Variants in STARD13 observed in about 807,000 individuals in gnomAD.
STARD13 encodes the protein stAR-related lipid transfer protein 13.
In STARD13, 62 loss-of-function variants were observed where a neutral mutation model predicts 106.4. The ratio of observed to expected loss-of-function variants is 0.58; its 90% CI spans 0.48 to 0.72. STARD13 has a LOEUF of 0.72. Among genes scored for constraint, STARD13 ranks in the 30% least tolerant of loss-of-function variants. The pLI, the probability that STARD13 is intolerant of heterozygous loss-of-function variation, is 0.00. For synonymous variants in STARD13, 565 were observed against 553.0 expected (o/e 1.02, Z -0.31); for missense variants, 1,387 against 1,424.0 (o/e 0.97, Z 0.42).
intron 1 of STARD13, among the ~76,000 whole-genome samples, chr13:33,267,180 G>A (rs545570032): frequency 5.9e-5 from 9 of 152,270 alleles, no homozygotes; most frequent in African/African-American, 2.2e-4. Flanking sequence ...TCACAAAAGG[G>A]AGAGGGTTCC....
the STARD13 span, among the ~76,000 whole-genome samples, chr13:33,656,578 T>C: frequency 1.3e-5 from 2 of 152,186 alleles, no homozygotes; most frequent in African/African-American, 4.8e-5. Flanking sequence ...GCAGCTTTAG[T>C]AGGGACATGG....
chr13:33,316,621 T>C (rs895197507), intron 1 of STARD13, among the ~76,000 whole-genome samples: 1 of 152,206 alleles, frequency 6.6e-6, no homozygotes, highest in Non-Finnish European at 1.5e-5. Context: ...TAGGTGATAT[T>C]GCTAGGAGCT....
chr13:33,269,330 G>A (rs1210469038), intron 1 of STARD13, among the ~76,000 whole-genome samples: 2 of 152,174 alleles, frequency 1.3e-5, no homozygotes, highest in African/African-American at 4.8e-5. Flanking sequence ...TGTGTTTCCG[G>A]CAACTTTCAC....
chr13:33,510,183 T>C, the STARD13 span, among the ~76,000 whole-genome samples: 1 of 152,182 alleles, frequency 6.6e-6, no homozygotes, highest in South Asian at 2.1e-4. Context: ...CAAGCCACGA[T>C]GAGCTACATT....
At chr13:33,343,575 C>CT (rs1395197056) in intron 1 of STARD13, among the ~76,000 whole-genome samples, 12 of 4,630 alleles carry the variant, frequency 2.6e-3, no homozygotes, top group Admixed American at 0.016. Flanking sequence ...GAGACCCTGT[C>CT]TTAAAAAAAA....
chr13:33,165,508 T>A, intron 2 of STARD13, 90 bp from the exon 3 acceptor site: 2 of 947,226 alleles, frequency 2.1e-6, no homozygotes, highest in South Asian at 1.4e-5. Context: ...TAAAAGCCAC[T>A]GATTTTAATA....
chr13:33,158,348 A>G (rs931947869), intron 3 of STARD13, among the ~76,000 whole-genome samples: 6 of 152,250 alleles, frequency 3.9e-5, no homozygotes, highest in Admixed American at 6.5e-5. Flanking sequence ...TCAAGAGTAA[A>G]TTGGGACCTA....
chr13:33,431,600 T>C, the STARD13 span, among the ~76,000 whole-genome samples: 148 of 152,272 alleles, frequency 9.7e-4, no homozygotes, highest in African/African-American at 3.2e-3. Context: ...CAATACCCAA[T>C]ACTAGAGTGT....
At chr13:33,468,318 T>C in the STARD13 span, among the ~76,000 whole-genome samples, 2 of 152,218 alleles carry the variant, frequency 1.3e-5, no homozygotes, top group Non-Finnish European at 2.9e-5. Context: ...CTTTTACTGC[T>C]CCCTTCATCC....
the STARD13 span, among the ~76,000 whole-genome samples, chr13:33,364,843 G>T: frequency 1.3e-5 from 2 of 152,100 alleles, no homozygotes; most frequent in Admixed American, 6.5e-5. Context: ...GAGCCGAGAT[G>T]GCGCCACTGC....
chr13:33,407,545 T>TA, the STARD13 span, among the ~76,000 whole-genome samples: 1 of 152,228 alleles, frequency 6.6e-6, no homozygotes, highest in East Asian at 1.9e-4. Flanking sequence ...ATCATAATTG[T>TA]AAAAAATACT....
the STARD13 span, among the ~76,000 whole-genome samples, chr13:33,361,097 G>A: frequency 2.0e-5 from 3 of 150,214 alleles, no homozygotes; most frequent in African/African-American, 7.4e-5. Context: ...GAACCACCGC[G>A]CCTGGCCTGG....
At chr13:33,602,718 C>T in the STARD13 span, among the ~76,000 whole-genome samples, 3 of 152,190 alleles carry the variant, frequency 2.0e-5, no homozygotes, top group Non-Finnish European at 4.4e-5. Flanking sequence ...AGCATTACTG[C>T]CTGAGCTCCA....
At chr13:33,511,005 T>C in the STARD13 span, among the ~76,000 whole-genome samples, 1 of 152,122 alleles carries the variant, frequency 6.6e-6, no homozygotes, top group Non-Finnish European at 1.5e-5. Flanking sequence ...TAAATTTTTT[T>C]TTTCTGTTTA....
the STARD13 span, among the ~76,000 whole-genome samples, chr13:33,409,683 A>G: frequency 6.6e-6 from 1 of 152,164 alleles, no homozygotes; most frequent in Non-Finnish European, 1.5e-5. Flanking sequence ...CACCTTGGAT[A>G]TTATGTTCAG....
At chr13:33,481,701 A>T in the STARD13 span, among the ~76,000 whole-genome samples, 1 of 152,218 alleles carries the variant, frequency 6.6e-6, no homozygotes, top group East Asian at 1.9e-4. Flanking sequence ...TTAGAGCCAT[A>T]TAACTAATTT....
chr13:33,535,905 ACT>A, the STARD13 span, among the ~76,000 whole-genome samples: 1 of 152,176 alleles, frequency 6.6e-6, no homozygotes, highest in Non-Finnish European at 1.5e-5. Flanking sequence ...GAAAATCTAT[ACT>A]TAAATTATTG....
the STARD13 span, among the ~76,000 whole-genome samples, chr13:33,602,595 G>A: frequency 6.6e-6 from 1 of 152,196 alleles, no homozygotes; most frequent in African/African-American, 2.4e-5. Context: ...AGATGGAGGT[G>A]AAGCTGACCC....
chr13:33,189,024 C>A (rs541458627), intron 1 of STARD13, among the ~76,000 whole-genome samples: 2 of 152,134 alleles, frequency 1.3e-5, no homozygotes, highest in African/African-American at 4.8e-5. Context: ...TAGTGTCTGT[C>A]AGGTATAAGT....
Sources: gnomAD v4.1 joint callset for allele counts (sites outside exome capture counted in the v4.1 genomes callset) on GRCh38, gnomAD v4.1.1 for gene constraint, MANE v1.5 for transcripts, NCBI Gene and HGNC (gene_info 2026-07-23, HGNC 2026-07-21) for gene names.